The following ATP10B variants were observed in gnomAD, a reference collection of about 807,000 sequenced individuals.
The protein encoded by ATP10B is ATPase phospholipid transporting 10B (putative).
Under a neutral mutation model 141.2 loss-of-function variants are expected in ATP10B, and 122 were observed. The observed-to-expected ratio is 0.86, with a 90% CI of 0.75 to 1.00. ATP10B has a LOEUF of 1.00. Among genes scored for constraint, ATP10B ranks in the 50% least tolerant of loss-of-function variants. The probability of loss-of-function intolerance (pLI) is 0.00; values close to 1 mark genes in which losing one functional copy is unlikely to be tolerated. For synonymous variants in ATP10B, 685 were observed against 692.0 expected (o/e 0.99, Z 0.16); for missense variants, 1,876 against 1,825.3 (o/e 1.03, Z -0.51).
intron 1 of ATP10B, among the ~76,000 whole-genome samples, chr5:160,801,750 G>A (rs904382653): frequency 4.6e-5 from 7 of 152,164 alleles, no homozygotes; most frequent in African/African-American, 1.7e-4. Context: ...TACAGGCCAA[G>A]CCCAAGTTCA....
chr5:160,607,232 C>T, intron 18 of ATP10B, 146 bp from the exon 19 acceptor site: 1 of 751,246 alleles, frequency 1.3e-6, no homozygotes, highest in East Asian at 2.7e-5. Context: ...TTATATTTCT[C>T]TGCAATATTT....
At chr5:160,915,336 CTTTT>C in the ATP10B span, among the ~76,000 whole-genome samples, 19 of 145,200 alleles carry the variant, frequency 1.3e-4, no homozygotes, top group African/African-American at 3.0e-4. Context: ...AGCACACTGA[CTTTT>C]TTTTTTTTTG....
At chr5:160,855,834 T>G (rs370268117), upstream of ATP10B, among the ~76,000 whole-genome samples, 602 of 151,998 alleles carry the variant, frequency 4.0e-3, 5 homozygotes, top group African/African-American at 0.014. Context: ...CTAGAACCAC[T>G]TGTTTTATGA....
At chr5:160,835,637 C>A (rs1487473895) in intron 1 of ATP10B, among the ~76,000 whole-genome samples, 1 of 152,098 alleles carries the variant, frequency 6.6e-6, no homozygotes, top group Non-Finnish European at 1.5e-5. Flanking sequence ...CATTTTCAAC[C>A]AAAGAGACTT....
intron 3 of ATP10B, among the ~76,000 whole-genome samples, chr5:160,700,662 G>A (rs1323868974): frequency 6.6e-6 from 1 of 152,202 alleles, no homozygotes; most frequent in East Asian, 1.9e-4. Context: ...CCAAAAAATA[G>A]CAGAACCCTC....
chr5:160,691,730 T>G (rs1218590189), intron 3 of ATP10B: 2 of 152,198 alleles, frequency 1.3e-5, no homozygotes, highest in Admixed American at 1.3e-4. Context: ...ATAATTCTTC[T>G]CATAGCTTTC....
chr5:160,666,451 AG>A (rs1163603511), intron 7 of ATP10B, among the ~76,000 whole-genome samples: 1 of 152,274 alleles, frequency 6.6e-6, no homozygotes. Flanking sequence ...TTGGGATAAA[AG>A]TTTCTTGTGC....
the ATP10B span, among the ~76,000 whole-genome samples, chr5:160,887,276 C>A: frequency 1.3e-5 from 2 of 152,226 alleles, no homozygotes; most frequent in East Asian, 1.9e-4. Flanking sequence ...TAATTAAAAT[C>A]ATCTCTATAT....
At chr5:160,853,989 T>A (rs978756746), upstream of ATP10B, among the ~76,000 whole-genome samples, 2 of 152,124 alleles carry the variant, frequency 1.3e-5, no homozygotes, top group African/African-American at 4.8e-5. Flanking sequence ...ACATCATGCT[T>A]TTCATTCCTG....
chr5:160,866,066 T>G, the ATP10B span, among the ~76,000 whole-genome samples: 7 of 152,112 alleles, frequency 4.6e-5, no homozygotes, highest in Non-Finnish European at 1.0e-4. Flanking sequence ...CTACTGGGTA[T>G]CTACCCAGAG....
chr5:160,666,280 A>T (rs1181202415), intron 7 of ATP10B, among the ~76,000 whole-genome samples: 1 of 152,180 alleles, frequency 6.6e-6, no homozygotes, highest in African/African-American at 2.4e-5. Flanking sequence ...ACTCAGTCCT[A>T]GTGAGTCATA....
chr5:160,874,190 G>A, the ATP10B span, among the ~76,000 whole-genome samples: 1 of 152,166 alleles, frequency 6.6e-6, no homozygotes, highest in African/African-American at 2.4e-5. Flanking sequence ...GGAGATCTGA[G>A]AACGGGCAGA....
intron 6 of ATP10B, chr5:160,684,828 G>A (rs1039500350): frequency 8.9e-6 from 6 of 675,382 alleles, no homozygotes; most frequent in Non-Finnish European, 1.6e-5. Context: ...AGAGTTTTTT[G>A]CTTTACCTGC....
the ATP10B span, among the ~76,000 whole-genome samples, chr5:160,922,807 T>C: frequency 6.6e-6 from 1 of 152,330 alleles, no homozygotes; most frequent in East Asian, 1.9e-4. Flanking sequence ...GAGAAGATCC[T>C]TGCACTCTCG....
chr5:160,581,946 T>C (rs1755580516), intron 24 of ATP10B, among the ~76,000 whole-genome samples: 1 of 152,214 alleles, frequency 6.6e-6, no homozygotes, highest in Non-Finnish European at 1.5e-5. Flanking sequence ...TTAAAGTCTG[T>C]TTTATCAGAG....
At chr5:160,662,009 C>A (rs1470599299) in intron 7 of ATP10B, among the ~76,000 whole-genome samples, 1 of 152,104 alleles carries the variant, frequency 6.6e-6, no homozygotes, top group Non-Finnish European at 1.5e-5. Flanking sequence ...CAATAACAGA[C>A]AAACAGTCAA....
the ATP10B span, among the ~76,000 whole-genome samples, chr5:160,864,844 A>C: frequency 6.6e-6 from 1 of 152,070 alleles, no homozygotes. Context: ...AAAATAAAAT[A>C]GAATACTTAG....
chr5:160,637,977 C>T (rs1267736352), intron 10 of ATP10B, among the ~76,000 whole-genome samples: 2 of 152,162 alleles, frequency 1.3e-5, no homozygotes, highest in Non-Finnish European at 1.5e-5. Context: ...TGGGAAAAGC[C>T]CGAGAAGGCT....
chr5:160,721,812 A>T (rs1766018300), intron 2 of ATP10B, among the ~76,000 whole-genome samples: 1 of 152,214 alleles, frequency 6.6e-6, no homozygotes, highest in Non-Finnish European at 1.5e-5. Context: ...GATGCTCCTG[A>T]TTCCTTTCAA....
Sources: allele counts gnomAD v4.1 joint callset (sites outside exome capture counted in the v4.1 genomes callset), GRCh38; gene constraint gnomAD v4.1.1; transcripts MANE v1.5; gene names NCBI Gene and HGNC (gene_info 2026-07-23, HGNC 2026-07-21).